Variants in LPXN observed in about 807,000 individuals in gnomAD.
LPXN encodes the protein leupaxin.
LPXN carries 28 observed loss-of-function variants against 45.6 expected under a neutral mutation model. The observed-to-expected ratio is 0.61, with a 90% CI of 0.45 to 0.84. The LOEUF (loss-of-function observed/expected upper bound fraction) is 0.84. LPXN is among the 40% of genes least tolerant of loss of function. The pLI, the probability that LPXN is intolerant of heterozygous loss-of-function variation, is 0.00. For missense variants in LPXN, 459 were observed against 475.0 expected (o/e 0.97, Z 0.31); for synonymous variants, 166 against 169.9 (o/e 0.98, Z 0.18).
At chr11:58,546,751 T>C (rs566965230) in intron 7 of LPXN, among the ~76,000 whole-genome samples, 6 of 152,268 alleles carry the variant, frequency 3.9e-5, no homozygotes, top group South Asian at 4.1e-4. Context: ...ATCAGCAGTA[T>C]TGGGAAAGAC....
intron 7 of LPXN, among the ~76,000 whole-genome samples, chr11:58,549,171 G>A (rs975377777): frequency 3.3e-5 from 5 of 152,196 alleles, no homozygotes; most frequent in African/African-American, 1.2e-4. Context: ...CAAGGCGGGC[G>A]GATCACGAGG....
At chr11:58,532,021 T>G (rs573391099) in intron 7 of LPXN, among the ~76,000 whole-genome samples, 1 of 152,308 alleles carries the variant, frequency 6.6e-6, no homozygotes, top group South Asian at 2.1e-4. Context: ...TAGCACGGGA[T>G]CAGCAGGCCC....
At chr11:58,563,126 T>G (rs948062647) in intron 3 of LPXN, among the ~76,000 whole-genome samples, 1 of 152,256 alleles carries the variant, frequency 6.6e-6, no homozygotes, top group African/African-American at 2.4e-5. Flanking sequence ...GCATTTCTAC[T>G]GGAGTCTTGG....
intron 3 of LPXN, among the ~76,000 whole-genome samples, chr11:58,559,086 T>C (rs564213295): frequency 5.8e-4 from 89 of 152,176 alleles, no homozygotes; most frequent in African/African-American, 2.0e-3. Context: ...TTTATTACTA[T>C]ATAAAAATAC....
intron 7 of LPXN, among the ~76,000 whole-genome samples, chr11:58,546,378 T>C (rs1281570670): frequency 6.6e-6 from 1 of 152,146 alleles, no homozygotes; most frequent in East Asian, 1.9e-4. Flanking sequence ...ATTATTTCTG[T>C]AAATATTGAA....
Position 58,528,043 on chromosome 11 carries a change from C to A in LPXN, c.891G>T (p.Gly297=). Residue 297 remains glycine (G), a splice_region_variant and synonymous_variant, in exon 8 of 9, where the codon GGG becomes GGT. Coordinates refer to ENST00000395074, the MANE Select transcript of LPXN (RefSeq NM_004811.3). ...TVWHPECFVC[G]DCFTSFSTGS... Reference sequence around the variant, plus strand: ...CCGAAAGAAAAGTGATTATACAGACCCCACAAACAAAGCACTCTGGGTGCC... The same window carrying A: ...CCGAAAGAAAAGTGATTATACAGACACCACAAACAAAGCACTCTGGGTGCC... The A allele has an allele frequency of 2.5e-6, 4 of 1,613,644 alleles. No individual in the cohort carries two copies. Among genetic ancestry groups the A allele is most frequent in the Non-Finnish European group, 3.4e-6 (4 of 1,179,744 alleles).
intron 7 of LPXN, among the ~76,000 whole-genome samples, chr11:58,533,021 G>A (rs771939757): frequency 1.6e-4 from 24 of 151,066 alleles, no homozygotes; most frequent in Admixed American, 5.3e-4. Context: ...CAGACGCACC[G>A]CCTTAAGAGC....
chr11:58,545,772 G>A (rs1853859438), intron 7 of LPXN, among the ~76,000 whole-genome samples: 2 of 152,166 alleles, frequency 1.3e-5, no homozygotes, highest in Non-Finnish European at 2.9e-5. Context: ...CATGGAACTT[G>A]CAGAAATGAT....
At chr11:58,557,971 G>A (rs1854258622) in intron 3 of LPXN, among the ~76,000 whole-genome samples, 1 of 151,908 alleles carries the variant, frequency 6.6e-6, no homozygotes, top group Admixed American at 6.6e-5. Context: ...TTAATAAGAT[G>A]ATGTTAACAT....
intron 7 of LPXN, among the ~76,000 whole-genome samples, chr11:58,543,530 A>G (rs1031850702): frequency 6.6e-6 from 1 of 152,188 alleles, no homozygotes; most frequent in African/African-American, 2.4e-5. Context: ...ACAGTACTAA[A>G]TTAAAATGAG....
chr11:58,529,381 C>T (rs373580923), intron 7 of LPXN, among the ~76,000 whole-genome samples: 3 of 151,930 alleles, frequency 2.0e-5, no homozygotes, highest in Non-Finnish European at 2.9e-5. Flanking sequence ...GAGGCCGAGG[C>T]GGGTGGATCA....
intron 1 of LPXN, among the ~76,000 whole-genome samples, chr11:58,572,008 A>G (rs1411822734): frequency 6.6e-6 from 1 of 152,212 alleles, no homozygotes; most frequent in East Asian, 1.9e-4. Flanking sequence ...TCTCTGATGC[A>G]GTTTCCTCAT....
At chr11:58,578,444 C>G (rs933674142), upstream of LPXN, among the ~76,000 whole-genome samples, 1 of 152,150 alleles carries the variant, frequency 6.6e-6, no homozygotes, top group Non-Finnish European at 1.5e-5. Flanking sequence ...CGCCAAGAGG[C>G]GGGCCCTCGT....
chr11:58,578,490 A>G (rs1024208721), upstream of LPXN, among the ~76,000 whole-genome samples: 2 of 151,898 alleles, frequency 1.3e-5, no homozygotes, highest in African/African-American at 4.8e-5. Context: ...TGCCGCCGCC[A>G]TTTTTTCAGA....
intron 3 of LPXN, among the ~76,000 whole-genome samples, chr11:58,556,205 C>T (rs1590564271): frequency 1.3e-5 from 2 of 151,784 alleles, no homozygotes; most frequent in East Asian, 1.9e-4. Flanking sequence ...GGTGTTTATA[C>T]TGGTTATCCA....
chr11:58,546,728 C>T (rs1002425863), intron 7 of LPXN, among the ~76,000 whole-genome samples: 2 of 152,094 alleles, frequency 1.3e-5, no homozygotes, highest in Non-Finnish European at 2.9e-5. Flanking sequence ...TAAATAGTAA[C>T]AGACAACCAT....
chr11:58,545,827 TTTAAGAAAATCAC>T (rs1853861456), intron 7 of LPXN, among the ~76,000 whole-genome samples: 5 of 152,316 alleles, frequency 3.3e-5, no homozygotes, highest in Middle Eastern at 3.4e-3. Flanking sequence ...ACTGTGTGAC[TTTAAGAAAATCAC>T]TTTACCTACC....
intron 7 of LPXN, among the ~76,000 whole-genome samples, chr11:58,541,191 G>C (rs541039162): frequency 6.6e-6 from 1 of 152,146 alleles, no homozygotes. Context: ...AGACAAATGG[G>C]ATCTAATTAA....
intron 1 of LPXN, among the ~76,000 whole-genome samples, chr11:58,571,024 C>T (rs749572705): frequency 6.6e-6 from 1 of 151,856 alleles, no homozygotes; most frequent in Admixed American, 6.6e-5. Context: ...GGGTAGATTC[C>T]CCACAAATAT....
Sources: gnomAD v4.1 joint callset for allele counts (sites outside exome capture counted in the v4.1 genomes callset) on GRCh38, gnomAD v4.1.1 for gene constraint, MANE v1.5 for transcripts, NCBI Gene and HGNC (gene_info 2026-07-23, HGNC 2026-07-21) for gene names.